RALGPS1: variants seen among roughly 807,000 people sequenced by gnomAD.
RALGPS1 encodes the protein ras-specific guanine nucleotide-releasing factor RalGPS1.
In RALGPS1, 19 loss-of-function variants were observed where a neutral mutation model predicts 78.8. The observed-to-expected ratio is 0.24, with a 90% CI of 0.17 to 0.35. The LOEUF is 0.35. Among genes scored for constraint, RALGPS1 ranks in the 10% least tolerant of loss-of-function variants. RALGPS1 has a pLI of 1.00. For missense variants in RALGPS1, 454 were observed against 688.3 expected (o/e 0.66, Z 3.81); for synonymous variants, 228 against 256.3 (o/e 0.89, Z 1.06).
At chr9:127,095,143 A>T (rs1334411597) in intron 8 of RALGPS1, among the ~76,000 whole-genome samples, 1 of 152,240 alleles carries the variant, frequency 6.6e-6, no homozygotes, top group African/African-American at 2.4e-5. Context: ...TCACGCCTGT[A>T]ATCCCAGCAC....
intron 8 of RALGPS1, among the ~76,000 whole-genome samples, chr9:127,090,468 G>A (rs1424448425): frequency 6.6e-6 from 1 of 152,230 alleles, no homozygotes; most frequent in Non-Finnish European, 1.5e-5. Flanking sequence ...AGTGTCAGTG[G>A]GCGGACAGAG....
At chr9:127,102,800 C>T (rs912708229) in intron 8 of RALGPS1, among the ~76,000 whole-genome samples, 11 of 152,222 alleles carry the variant, frequency 7.2e-5, no homozygotes, top group Non-Finnish European at 1.6e-4. Context: ...GCAAAGAGTG[C>T]TCTTTGAGAA....
At position 127,196,533 on chromosome 9, in the gene RALGPS1, C is replaced by T; in HGVS notation, c.1097C>T (p.Ala366Val). 6.2e-7 allele frequency: 1 copy of T among 1,614,180 alleles called. No individual in the cohort carries two copies. Among genetic ancestry groups the T allele is most frequent in the Non-Finnish European group, 8.5e-7 (1 of 1,179,984 alleles). ...SKSATFPSEK[A>V]RHLLDDSVLE... Reference sequence around the variant, plus strand: ...AGTGCGACATTCCCATCGGAGAAAGCAAGGCACCTACTGGACGACAGTGTC... The same window carrying T: ...AGTGCGACATTCCCATCGGAGAAAGTAAGGCACCTACTGGACGACAGTGTC... Residue 366 changes from alanine (A) to valine (V), a missense_variant, in exon 13 of 19, where the codon GCA becomes GTA. Transcript: ENST00000259351.
intron 4 of RALGPS1, among the ~76,000 whole-genome samples, chr9:127,029,746 A>G (rs2046262398): frequency 6.6e-6 from 1 of 152,114 alleles, no homozygotes; most frequent in African/African-American, 2.4e-5. Flanking sequence ...AGGACTTGTC[A>G]CCACTCCCCA....
chr9:127,157,987 A>G (rs773353505), intron 8 of RALGPS1, among the ~76,000 whole-genome samples: 2 of 152,126 alleles, frequency 1.3e-5, no homozygotes, highest in African/African-American at 2.4e-5. Context: ...TTATCAGGAC[A>G]CGCCAATGAG....
chr9:127,197,065 G>A (rs898643112), intron 13 of RALGPS1, among the ~76,000 whole-genome samples: 5 of 152,172 alleles, frequency 3.3e-5, no homozygotes, highest in African/African-American at 1.2e-4. Flanking sequence ...TTCTCACTGC[G>A]TACTTGTCTT....
chr9:127,093,959 C>T lies in RALGPS1; in HGVS notation c.610+24603C>T, dbSNP rs751713442. ...CACAGACATGCATATACATCACAGA[C>T]CTGCCTGTCACCAGGCCGCACCCCC... On this transcript the variant is annotated intron_variant, in intron 8 of 18. Coordinates refer to ENST00000259351, the MANE Select transcript of RALGPS1 (RefSeq NM_014636.3). 5 of 1,600,884 alleles carry T rather than the reference C, an allele frequency of 3.1e-6. No homozygotes were observed. The African/African-American group carries it at 6.7e-5, about 21-fold the overall frequency.
chr9:127,151,023 A>G lies in RALGPS1; in HGVS notation c.611-15046A>G, dbSNP rs760948162. 5.4e-4 allele frequency among the ~76,000 whole-genome samples: 82 copies of G among 152,196 alleles called. 1 individual carries two copies. Among genetic ancestry groups the G allele is most frequent in the Admixed American group, 2.9e-3 (45 of 15,288 alleles). ...ATGGTGAAACCCTGTCTTTACTACA[A>G]TACAAAAAAAATTAGCTGGGTATGG... On this transcript the variant is annotated intron_variant, in intron 8 of 18. Transcript: ENST00000259351.
intron 8 of RALGPS1, among the ~76,000 whole-genome samples, chr9:127,139,180 C>T (rs2057601267): frequency 2.0e-5 from 3 of 152,152 alleles, no homozygotes; most frequent in African/African-American, 4.8e-5. Flanking sequence ...AGGTGGGTCA[C>T]GTAGTCCTGT....
intron 8 of RALGPS1, among the ~76,000 whole-genome samples, chr9:127,106,588 C>T (rs535266800): frequency 3.3e-5 from 5 of 152,326 alleles, no homozygotes; most frequent in East Asian, 1.9e-4. Context: ...CAGAGCTAAT[C>T]AGTGGTGGAA....
chr9:127,052,703 T>G, intron 6 of RALGPS1, 144 bp from the exon 7 acceptor site: 2 of 626,948 alleles, frequency 3.2e-6, no homozygotes, highest in East Asian at 5.5e-5. Flanking sequence ...ATGGTTTCTA[T>G]GAAATCCTTA....
At chr9:127,088,865 T>TC in intron 8 of RALGPS1, 1 of 1,568,824 alleles carries the variant, frequency 6.4e-7, no homozygotes, top group Non-Finnish European at 8.8e-7. Flanking sequence ...GAGGAGTTGT[T>TC]CTTTGTGCTG....
At chr9:126,985,914 A>G (rs1170251291) in intron 4 of RALGPS1, among the ~76,000 whole-genome samples, 2 of 152,268 alleles carry the variant, frequency 1.3e-5, no homozygotes, top group African/African-American at 2.4e-5. Flanking sequence ...GGGAAGCGCC[A>G]TAGCAGAACA....
At chr9:127,103,030 C>T (rs2053884165) in intron 8 of RALGPS1, among the ~76,000 whole-genome samples, 1 of 152,230 alleles carries the variant, frequency 6.6e-6, no homozygotes. Context: ...CTGTGCTTCT[C>T]CACCTCTCTG....
At chr9:126,997,962 G>A (rs774872985) in intron 4 of RALGPS1, among the ~76,000 whole-genome samples, 40 of 152,150 alleles carry the variant, frequency 2.6e-4, no homozygotes, top group Admixed American at 5.9e-4. Flanking sequence ...AAACTGGCTA[G>A]CCATATGTAG....
rs759145149 is a variant in RALGPS1 at position 127,108,393 on chromosome 9, G to A, written c.610+39037G>A. ...GCTTCACCTCGCTCACAATGCCGCCGTCCACCTCCACCAGCTGCTGCAGCG... is the reference window on the plus strand; with the variant it reads ...GCTTCACCTCGCTCACAATGCCGCCATCCACCTCCACCAGCTGCTGCAGCG... On this transcript the variant is annotated intron_variant, in intron 8 of 18. Transcript: ENST00000259351. The A allele has an allele frequency of 1.2e-5, 19 of 1,608,658 alleles. No individual in the cohort carries two copies. The Admixed American group carries it at 1.7e-4, about 14-fold the overall frequency.
chr9:127,129,441 T>TG (rs146995259), intron 8 of RALGPS1, among the ~76,000 whole-genome samples: 2,040 of 151,958 alleles, frequency 0.013, 41 homozygotes, highest in East Asian at 0.085. Context: ...TTATAGTCAG[T>TG]GGGGGGGGAT....
intron 3 of RALGPS1, among the ~76,000 whole-genome samples, chr9:126,974,642 C>T (rs892956635): frequency 1.2e-4 from 19 of 152,076 alleles, no homozygotes; most frequent in Admixed American, 3.3e-4. Flanking sequence ...TTAAGGAAGC[C>T]ATTGCCAGGT....
At chr9:127,098,524 G>T (rs1011343313) in intron 8 of RALGPS1, among the ~76,000 whole-genome samples, 5 of 152,206 alleles carry the variant, frequency 3.3e-5, no homozygotes, top group African/African-American at 1.2e-4. Context: ...CAACAAGGAT[G>T]GGTAGGCACA....
Sources: gnomAD v4.1 joint callset for allele counts (sites outside exome capture counted in the v4.1 genomes callset) on GRCh38, gnomAD v4.1.1 for gene constraint, MANE v1.5 for transcripts, NCBI Gene and HGNC (gene_info 2026-07-23, HGNC 2026-07-21) for gene names.